Variants in DDX24 observed in about 807,000 individuals in gnomAD.
DDX24 encodes DEAD-box helicase 24, also known as ATP-dependent RNA helicase DDX24.
DDX24 carries 24 observed loss-of-function variants against 68.9 expected under a neutral mutation model. That is an observed-to-expected ratio of 0.35 (90% CI 0.25 to 0.49). The LOEUF (loss-of-function observed/expected upper bound fraction) is 0.49. DDX24 is among the 20% of genes least tolerant of loss of function. The pLI is 0.99. For missense variants in DDX24, 989 were observed against 1,039.0 expected, an observed-to-expected ratio of 0.95 and a Z score of 0.66; for synonymous variants, 395 against 385.2, an observed-to-expected ratio of 1.03 and a Z score of -0.30.
At chr14:94,076,040 T>A (rs544747023) in intron 2 of DDX24, among the ~76,000 whole-genome samples, 37 of 152,350 alleles carry the variant, frequency 2.4e-4, no homozygotes, top group Middle Eastern at 6.8e-3. Context: ...TAAAATGGTA[T>A]AATCACTTTG....
At chr14:94,066,053 T>A (rs912607758) in intron 2 of DDX24, among the ~76,000 whole-genome samples, 8 of 152,144 alleles carry the variant, frequency 5.3e-5, no homozygotes, top group Non-Finnish European at 1.2e-4. Flanking sequence ...ACTTCACAGG[T>A]AGGGGAAGAA....
At chr14:94,058,150 T>C (rs1423565825) in intron 5 of DDX24, among the ~76,000 whole-genome samples, 2 of 151,976 alleles carry the variant, frequency 1.3e-5, no homozygotes, top group African/African-American at 4.8e-5. Context: ...TACTCTGCAA[T>C]GATAAAGACT....
chr14:94,074,673 A>C (rs1160953706), intron 2 of DDX24, among the ~76,000 whole-genome samples: 2 of 152,210 alleles, frequency 1.3e-5, no homozygotes, highest in African/African-American at 4.8e-5. Context: ...AATAATGCCC[A>C]CTTTACCACT....
chr14:94,053,137 A>C lies in DDX24; in HGVS notation c.2179-10T>G, dbSNP rs749864521. On this transcript the variant is annotated splice_polypyrimidine_tract_variant and intron_variant, in intron 7 of 8. Coordinates refer to ENST00000621632, the MANE Select transcript of DDX24 (RefSeq NM_020414.4). The stretch of plus-strand genomic sequence containing the variant: ...CTAAACGGATTCGCTCCTGGGGGGA[A>C]GTAACAGAAAATATTCATCTGAAAT... 3 of 1,613,918 alleles carry C rather than the reference A, an allele frequency of 1.9e-6. No individual in the cohort carries two copies. The highest frequency in any genetic ancestry group is 2.5e-6 in the Non-Finnish European group (3 of 1,179,932).
chr14:94,052,351 A>T lies in DDX24; in HGVS notation c.2308+647T>A, dbSNP rs564546099. Reference sequence around the variant, plus strand: ...CAGCTCTGGAAATGCCTTGTGACAGAGCTGTTTCCCTGCACAAACTGCCTC... The same window carrying T: ...CAGCTCTGGAAATGCCTTGTGACAGTGCTGTTTCCCTGCACAAACTGCCTC... On this transcript the variant is annotated intron_variant, in intron 8 of 8. Transcript: ENST00000621632. 2.0e-5 allele frequency among the ~76,000 whole-genome samples: 3 copies of T among 152,178 alleles called. No homozygotes were observed. The East Asian group carries it at 5.8e-4, about 29-fold the overall frequency.
chr14:94,053,443 A>AGGTG, intron 7 of DDX24: 1 of 226,698 alleles, frequency 4.4e-6, no homozygotes. Context: ...TCCTGTGCTC[A>AGGTG]AGCAATCTTT....
chr14:94,076,667 C>T (rs1251322768), intron 2 of DDX24, among the ~76,000 whole-genome samples: 22 of 129,750 alleles, frequency 1.7e-4, no homozygotes, highest in Non-Finnish European at 2.8e-4. Flanking sequence ...GGTGACAGAG[C>T]GAGACTCCGT....
chr14:94,052,232 T>C (rs183730149), intron 8 of DDX24, among the ~76,000 whole-genome samples: 35 of 152,320 alleles, frequency 2.3e-4, no homozygotes, highest in African/African-American at 6.7e-4. Flanking sequence ...AGTTCTAGAT[T>C]TGGTTCTACC....
Position 94,055,149 on chromosome 14 carries a change from A to C in DDX24, c.2025T>G (p.Ser675Arg). The change falls in exon 7 of 9, where the codon AGT becomes AGG. Residue 675 changes from serine (S) to arginine (R), a missense_variant. Around this residue, in one of 3 missense-constraint regions of DDX24, gnomAD observed 691 missense variants for 760.0 expected, o/e 0.91. Transcript: ENST00000621632. ...PRTSEIYVHR[S>R]GRTARATNEG... ...CATTGGTAGCTCGAGCAGTTCGACCACTTCGGTGGACATAAATCTCCGAGG... is the reference window on the plus strand; with the variant it reads ...CATTGGTAGCTCGAGCAGTTCGACCCCTTCGGTGGACATAAATCTCCGAGG... The C allele has an allele frequency of 2.5e-6, 4 of 1,614,058 alleles. No individual in the cohort carries two copies. Among genetic ancestry groups the C allele is most frequent in the Non-Finnish European group, 2.5e-6 (3 of 1,179,926 alleles).
intron 2 of DDX24, among the ~76,000 whole-genome samples, chr14:94,074,596 C>T (rs759363971): frequency 6.6e-6 from 1 of 152,174 alleles, no homozygotes; most frequent in Non-Finnish European, 1.5e-5. Flanking sequence ...CTACAAAAAA[C>T]CTACAGCTAA....
intron 2 of DDX24, among the ~76,000 whole-genome samples, chr14:94,067,033 A>C (rs1442385439): frequency 4.6e-5 from 7 of 152,230 alleles, no homozygotes; most frequent in Admixed American, 4.6e-4. Context: ...TTAGTTATTA[A>C]GCTAATCAGG....
intron 2 of DDX24, among the ~76,000 whole-genome samples, chr14:94,066,607 G>C (rs1244870377): frequency 6.6e-6 from 1 of 152,180 alleles, no homozygotes; most frequent in Non-Finnish European, 1.5e-5. Flanking sequence ...ATCTCCACCG[G>C]AACAGGCGCT....
chr14:94,065,616 C>T (rs1455396908), intron 2 of DDX24, among the ~76,000 whole-genome samples: 1 of 152,158 alleles, frequency 6.6e-6, no homozygotes, highest in Non-Finnish European at 1.5e-5. Flanking sequence ...TGAGAGGAAC[C>T]ACAGACCCTC....
At chr14:94,062,957 A>G (rs564968559) in intron 2 of DDX24, among the ~76,000 whole-genome samples, 2 of 152,374 alleles carry the variant, frequency 1.3e-5, no homozygotes, top group Middle Eastern at 3.4e-3. Context: ...TCCATACAAT[A>G]CTTTCCCAAG....
At chr14:94,075,930 A>T (rs1440995042) in intron 2 of DDX24, among the ~76,000 whole-genome samples, 1 of 152,260 alleles carries the variant, frequency 6.6e-6, no homozygotes, top group Non-Finnish European at 1.5e-5. Flanking sequence ...AGGAAATAAT[A>T]GTAAAATTTT....
At chr14:94,061,137 C>A (rs1885588702) in intron 3 of DDX24, 71 bp from the exon 4 acceptor site, 2 of 1,552,002 alleles carry the variant, frequency 1.3e-6, no homozygotes, top group Non-Finnish European at 1.8e-6. Context: ...CTGACACAGG[C>A]ACCCCAGATT....
rs377305110 is a variant in DDX24, at chr14:94,060,966, C to A, written c.1344G>T (p.Leu448=). The A allele has an allele frequency of 8.1e-6, 13 of 1,614,256 alleles. No individual in the cohort carries two copies. The African/African-American group carries it at 9.3e-5, about 12-fold the overall frequency. The change falls in exon 4 of 9, where the codon CTG becomes CTT. Residue 448 remains leucine, a synonymous_variant. Coordinates refer to ENST00000621632, the MANE Select transcript of DDX24 (RefSeq NM_020414.4). ...PEIVVATPGR[L]WELIKEKHYH... is the part of the protein sequence containing the mutation. The stretch of plus-strand genomic sequence containing the variant: ...AATGCTTTTCTTTAATTAATTCCCA[C>A]AGCCGGCCTGGAGTAGCAACCACAA...
In DDX24 at chr14:94,077,649, ACATCTTAAATGCT is replaced by A. The variant is rs201662507; in HGVS notation, c.718+1363_718+1375del. On this transcript the variant is annotated intron_variant, in intron 2 of 8. Transcript: ENST00000621632. Reference sequence around the variant, plus strand: ...TAAAGCACTTAACACAGTGCATGACACATCTTAAATGCTCAGTAAATGTTCTAAGTTATTATCT... The same window carrying A: ...TAAAGCACTTAACACAGTGCATGACACAGTAAATGTTCTAAGTTATTATCT... Among the ~76,000 whole-genome samples, 869 of 152,312 alleles carry A rather than the reference ACATCTTAAATGCT, an allele frequency of 5.7e-3. 5 individuals carry two copies. Among genetic ancestry groups the A allele is most frequent in the African/African-American group, 0.019 (809 of 41,552 alleles).
intron 2 of DDX24, among the ~76,000 whole-genome samples, chr14:94,077,768 T>C (rs569296662): frequency 2.5e-4 from 38 of 152,160 alleles, no homozygotes; most frequent in Non-Finnish European, 4.9e-4. Context: ...CTGACCACTG[T>C]TCCAGAAACC....
Sources: allele counts gnomAD v4.1 joint callset (sites outside exome capture counted in the v4.1 genomes callset), GRCh38; gene constraint gnomAD v4.1.1; regional missense constraint gnomAD v4.1.1; transcripts MANE v1.5; gene names NCBI Gene and HGNC (gene_info 2026-07-23, HGNC 2026-07-21).